DHX15: variants seen among roughly 807,000 people sequenced by gnomAD.
DHX15 encodes the protein ATP-dependent RNA helicase DHX15.
DHX15 carries 11 observed loss-of-function variants against 94.4 expected under a neutral mutation model. The ratio of observed to expected loss-of-function variants is 0.12; its 90% CI spans 0.07 to 0.19. The LOEUF (loss-of-function observed/expected upper bound fraction) is 0.19. DHX15 is among the 10% of genes least tolerant of loss of function. The probability of loss-of-function intolerance (pLI) is 1.00; values close to 1 mark genes in which losing one functional copy is unlikely to be tolerated. For synonymous variants in DHX15, 338 were observed against 329.9 expected (o/e 1.02, Z -0.27); for missense variants, 304 against 988.5 (o/e 0.31, Z 9.29).
chr4:24,567,504 G>A (rs1234030299), intron 3 of DHX15, among the ~76,000 whole-genome samples: 11 of 151,674 alleles, frequency 7.3e-5, no homozygotes, highest in Non-Finnish European at 1.0e-4. Context: ...TTGAACCCGC[G>A]AGGTGGAGGC....
intron 12 of DHX15, chr4:24,530,955 G>A (rs1470014891): frequency 6.6e-6 from 1 of 152,180 alleles, no homozygotes; most frequent in Non-Finnish European, 1.5e-5. Flanking sequence ...GCCTGGGCTG[G>A]CTTCAACGCT....
At chr4:24,540,522 T>C (rs1389284286) in intron 9 of DHX15, among the ~76,000 whole-genome samples, 1 of 152,092 alleles carries the variant, frequency 6.6e-6, no homozygotes, top group Admixed American at 6.6e-5. Flanking sequence ...ATACATTAAA[T>C]AATTGCTAAT....
intron 3 of DHX15, among the ~76,000 whole-genome samples, chr4:24,560,617 G>A (rs564727036): frequency 4.6e-5 from 7 of 152,072 alleles, no homozygotes; most frequent in Non-Finnish European, 1.0e-4. Flanking sequence ...TAAGAAAAAG[G>A]CCAATCCACT....
chr4:24,570,117 T>C (rs1722088699), intron 3 of DHX15, among the ~76,000 whole-genome samples: 2 of 152,170 alleles, frequency 1.3e-5, no homozygotes, highest in Non-Finnish European at 2.9e-5. Flanking sequence ...CTCAATACAG[T>C]AGTCAATTAT....
chr4:24,558,567 T>C (rs186918122), intron 3 of DHX15, among the ~76,000 whole-genome samples: 11 of 152,232 alleles, frequency 7.2e-5, no homozygotes, highest in African/African-American at 2.2e-4. Context: ...CTATGCATAT[T>C]GCAAGTACTT....
At chr4:24,540,373 A>T in intron 9 of DHX15, 74 bp from the exon 10 acceptor site, 1 of 1,254,636 alleles carries the variant, frequency 8.0e-7, no homozygotes, top group Non-Finnish European at 1.1e-6. Flanking sequence ...AAACTATTAT[A>T]AGCAATCTCA....
chr4:24,559,700 C>T (rs1284277641), intron 3 of DHX15, among the ~76,000 whole-genome samples: 2 of 152,172 alleles, frequency 1.3e-5, no homozygotes, highest in South Asian at 4.1e-4. Flanking sequence ...TTACTATCTA[C>T]AGTGTTTTCC....
At chr4:24,547,937 A>ATCTATATC (rs1560765929) in intron 6 of DHX15, among the ~76,000 whole-genome samples, 74 of 34,006 alleles carry the variant, frequency 2.2e-3, no homozygotes, top group African/African-American at 6.9e-3. Context: ...ATATATATAT[A>ATCTATATC]TATATCTATA....
At chr4:24,576,800 T>G in intron 1 of DHX15, 122 bp from the exon 2 acceptor site, 1 of 1,357,924 alleles carries the variant, frequency 7.4e-7, no homozygotes, top group Middle Eastern at 2.6e-4. Flanking sequence ...ATGGATTATG[T>G]AACTATCAGA....
chr4:24,538,745 T>G (rs189805974), intron 10 of DHX15: 1 of 150,296 alleles, frequency 6.7e-6, no homozygotes, highest in Non-Finnish European at 1.5e-5. Flanking sequence ...AAGTTTTTTT[T>G]AATTACAAAT....
chr4:24,548,084 A>G (rs1721494701), intron 6 of DHX15, among the ~76,000 whole-genome samples: 1 of 149,634 alleles, frequency 6.7e-6, no homozygotes, highest in African/African-American at 2.4e-5. Flanking sequence ...GACAGGATCT[A>G]GATGAAGCTT....
At chr4:24,579,158 T>C (rs916486586) in intron 1 of DHX15, among the ~76,000 whole-genome samples, 3 of 152,192 alleles carry the variant, frequency 2.0e-5, no homozygotes, top group Non-Finnish European at 2.9e-5. Flanking sequence ...GGAATCACCA[T>C]TGCAAGACAC....
In DHX15 at chr4:24,570,867, T is replaced by G. The variant is rs768064811; in HGVS notation, c.508-20A>C. 1 of 1,609,430 alleles carries G rather than the reference T, an allele frequency of 6.2e-7. No homozygotes were observed. Among genetic ancestry groups the G allele is most frequent in the South Asian group, 1.1e-5 (1 of 90,800 alleles). ...TGGAATCTATCAAATAATTTCACAT[T>G]TAAATTAATTCTATTCTGCCTGCAT... is the stretch of plus-strand genomic sequence containing the variant. On this transcript the variant is annotated intron_variant, in intron 2 of 13. Coordinates refer to ENST00000336812, the MANE Select transcript of DHX15 (RefSeq NM_001358.3).
intron 3 of DHX15, among the ~76,000 whole-genome samples, chr4:24,566,353 G>A (rs1038612514): frequency 7.2e-5 from 11 of 152,044 alleles, no homozygotes; most frequent in African/African-American, 1.9e-4. Context: ...ATTTTTAAAC[G>A]AAGTTGTCTT....
intron 3 of DHX15, among the ~76,000 whole-genome samples, chr4:24,559,840 G>A (rs1721825338): frequency 6.6e-6 from 1 of 152,156 alleles, no homozygotes; most frequent in South Asian, 2.1e-4. Context: ...ATAGCAATCT[G>A]CTCTAACAAG....
intron 3 of DHX15, among the ~76,000 whole-genome samples, chr4:24,565,247 T>A (rs1046393198): frequency 2.0e-5 from 3 of 152,198 alleles, no homozygotes; most frequent in South Asian, 2.1e-4. Context: ...AAAGGTCAAA[T>A]TTAACAAAAC....
chr4:24,570,873 T>C, intron 2 of DHX15, 26 bp from the exon 3 acceptor site: 1 of 1,607,272 alleles, frequency 6.2e-7, no homozygotes, highest in South Asian at 1.1e-5. Context: ...ACATTTAAAT[T>C]AATTCTATTC....
In DHX15 at chr4:24,537,155, C is replaced by T. The variant is rs1560761618; in HGVS notation, c.1805G>A (p.Arg602His). ...TGCGGCTTTCTTGGCCTCCGTGGGG[C>T]GAACAAAACACTGTGGGACTAAACA... ...AMLSVPQCFVRPTEAKKAADE... is the reference protein window; with the variant it reads ...AMLSVPQCFVHPTEAKKAADE... The change falls in exon 11 of 14, where the codon CGC (arginine) becomes CAC (histidine). Residue 602 changes from arginine to histidine, a missense_variant. Physicochemically the swap from Arg to His is conservative, Grantham distance 29 (BLOSUM62 0). Around this residue, in one of 9 missense-constraint regions of DHX15, gnomAD observed 44 missense variants for 236.7 expected, o/e 0.19. Transcript: ENST00000336812. The surrounding 1 kb of genome is among the most constrained non-coding windows in gnomAD (Gnocchi z 4.7). 1.2e-6 allele frequency: 2 copies of T among 1,613,568 alleles called. No individual in the cohort carries two copies. The highest frequency in any genetic ancestry group is 8.5e-7 in the Non-Finnish European group (1 of 1,179,800).
At position 24,537,215 on chromosome 4, in the gene DHX15, G is replaced by A. The variant is rs1721214962; in HGVS notation, c.1787-42C>T. 2 of 1,610,730 alleles carry A rather than the reference G, an allele frequency of 1.2e-6. No individual in the cohort carries two copies. The highest frequency in any genetic ancestry group is 1.7e-5 in the Admixed American group (1 of 59,744). The stretch of plus-strand genomic sequence containing the variant: ...TGGGCCCAACACAAACGCCCATATC[G>A]ATGAGTCACGCATTCACAGATAGAG... On this transcript the variant is annotated intron_variant, in intron 10 of 13. Coordinates refer to ENST00000336812, the MANE Select transcript of DHX15 (RefSeq NM_001358.3). The surrounding 1 kb of genome is among the most constrained non-coding windows in gnomAD (Gnocchi z 4.7).
Sources: allele counts gnomAD v4.1 joint callset (sites outside exome capture counted in the v4.1 genomes callset), GRCh38; gene constraint gnomAD v4.1.1; regional missense constraint gnomAD v4.1.1; non-coding constraint Gnocchi (gnomAD v3.1); transcripts MANE v1.5; gene names NCBI Gene and HGNC (gene_info 2026-07-23, HGNC 2026-07-21).